OR1J2: variants seen among roughly 807,000 people sequenced by gnomAD.
The protein encoded by OR1J2 is olfactory receptor 1J2.
For synonymous variants in OR1J2, 142 were observed against 99.7 expected, an observed-to-expected ratio of 1.42 and a Z score of -2.52; for missense variants, 304 against 246.1, an observed-to-expected ratio of 1.24 and a Z score of -1.57.
At chr9:122,515,207 C>T (rs1828682740), downstream of OR1J2, among the ~76,000 whole-genome samples, 2 of 152,114 alleles carry the variant, frequency 1.3e-5, no homozygotes. Flanking sequence ...TCTCCGATGT[C>T]AGTGAGGTTT....
chr9:122,528,991 A>G, the OR1J2 span, among the ~76,000 whole-genome samples: 1 of 152,216 alleles, frequency 6.6e-6, no homozygotes, highest in Non-Finnish European at 1.5e-5. Context: ...TAGAGTCTAT[A>G]CCTGAATAAA....
Position 122,510,972 on chromosome 9 carries a change from C to T in OR1J2, c.171C>T (p.Thr57=), listed in dbSNP as rs765101019. The change falls in exon 1 of 1, where the codon ACC becomes ACT. Residue 57 remains threonine, a synonymous_variant. Coordinates refer to ENST00000335302, the MANE Select transcript of OR1J2 (RefSeq NM_054107.1). ...LLIQLDSHLH[T]PMYFFLSHLA... The stretch of plus-strand genomic sequence containing the variant: ...TCCAGCTGGACTCTCACCTTCACAC[C>T]CCCATGTACTTCTTCCTCAGCCACT... The T allele has an allele frequency of 5.6e-6, 9 of 1,612,040 alleles. No individual in the cohort carries two copies. The African/African-American group carries it at 6.7e-5, about 12-fold the overall frequency.
the OR1J2 span, chr9:122,477,419 C>T: frequency 1.2e-6 from 2 of 1,613,954 alleles, no homozygotes; most frequent in Non-Finnish European, 1.7e-6. Context: ...ATGTGGTCAG[C>T]ACAGAAGGAA....
the OR1J2 span, among the ~76,000 whole-genome samples, chr9:122,571,189 T>C: frequency 1.3e-5 from 2 of 152,134 alleles, no homozygotes; most frequent in Non-Finnish European, 1.5e-5. Flanking sequence ...AATCTTTCTG[T>C]GTGGTACAGA....
the OR1J2 span, chr9:122,554,198 A>G: frequency 2.1e-5 from 32 of 1,501,654 alleles, no homozygotes; most frequent in Non-Finnish European, 2.9e-5. Context: ...ATCTTGATCA[A>G]CCCCTCCCTG....
the OR1J2 span, among the ~76,000 whole-genome samples, chr9:122,542,469 C>G: frequency 6.6e-6 from 1 of 151,696 alleles, no homozygotes; most frequent in Non-Finnish European, 1.5e-5. Context: ...TTCCAGTTGC[C>G]CTGTATTTTC....
At chr9:122,480,279 C>T in the OR1J2 span, among the ~76,000 whole-genome samples, 1 of 151,888 alleles carries the variant, frequency 6.6e-6, no homozygotes, top group East Asian at 1.9e-4. Flanking sequence ...ATGAGATTGA[C>T]AAAAGTGCAT....
chr9:122,501,740 A>G, the OR1J2 span, among the ~76,000 whole-genome samples: 1 of 152,236 alleles, frequency 6.6e-6, no homozygotes, highest in East Asian at 1.9e-4. Context: ...AAAAATTATT[A>G]TTAAGTTACA....
chr9:122,456,946 C>T, the OR1J2 span, among the ~76,000 whole-genome samples: 2 of 152,110 alleles, frequency 1.3e-5, no homozygotes, highest in Admixed American at 6.5e-5. Context: ...GCACTACTCA[C>T]AATAGCAAAG....
the OR1J2 span, among the ~76,000 whole-genome samples, chr9:122,539,345 A>G: frequency 6.6e-6 from 1 of 151,798 alleles, no homozygotes; most frequent in South Asian, 2.1e-4. Context: ...ATTCCCACCT[A>G]TGAGTGAGAA....
the OR1J2 span, among the ~76,000 whole-genome samples, chr9:122,565,843 C>T: frequency 0.24 from 37,182 of 152,054 alleles, 4,908 homozygotes; most frequent in Middle Eastern, 0.34. Context: ...TTATTTTTTA[C>T]CTTTTTGTTA....
chr9:122,561,798 A>G, the OR1J2 span, among the ~76,000 whole-genome samples: 4 of 152,326 alleles, frequency 2.6e-5, no homozygotes, highest in African/African-American at 9.6e-5. Context: ...CCCCTGTTGC[A>G]GGGTCTCACC....
chr9:122,535,242 G>A, the OR1J2 span, among the ~76,000 whole-genome samples: 1 of 152,044 alleles, frequency 6.6e-6, no homozygotes, highest in South Asian at 2.1e-4. Context: ...GGATCGGGGT[G>A]CAGAGATAAG....
the OR1J2 span, among the ~76,000 whole-genome samples, chr9:122,484,403 G>C: frequency 6.6e-6 from 1 of 151,990 alleles, no homozygotes; most frequent in Non-Finnish European, 1.5e-5. Flanking sequence ...CTTGTGACCT[G>C]CCTGCCTCGG....
the OR1J2 span, chr9:122,519,739 T>G: frequency 6.2e-7 from 1 of 1,614,080 alleles, no homozygotes; most frequent in Non-Finnish European, 8.5e-7. Context: ...CTGGTCATTT[T>G]CACAGTGGGA....
the OR1J2 span, among the ~76,000 whole-genome samples, chr9:122,520,370 T>C: frequency 6.6e-6 from 1 of 152,240 alleles, no homozygotes; most frequent in South Asian, 2.1e-4. Flanking sequence ...TGTTTAAATA[T>C]GTTGACTAAC....
the OR1J2 span, among the ~76,000 whole-genome samples, chr9:122,570,626 T>A: frequency 2.1e-3 from 320 of 152,316 alleles, 1 homozygote; most frequent in Middle Eastern, 3.4e-3. Flanking sequence ...CAGGACAAGC[T>A]GTTCCCCAGC....
chr9:122,539,913 C>A, the OR1J2 span, among the ~76,000 whole-genome samples: 1 of 151,818 alleles, frequency 6.6e-6, no homozygotes, highest in African/African-American at 2.4e-5. Context: ...TAAATGTCTT[C>A]TTTTGAGAAG....
At chr9:122,574,286 C>T in the OR1J2 span, among the ~76,000 whole-genome samples, 4 of 152,050 alleles carry the variant, frequency 2.6e-5, no homozygotes, top group Admixed American at 6.6e-5. Context: ...ATTTATACAC[C>T]GAATTCAGGA....
Sources: gnomAD v4.1 joint callset for allele counts (sites outside exome capture counted in the v4.1 genomes callset) on GRCh38, gnomAD v4.1.1 for gene constraint, MANE v1.5 for transcripts, NCBI Gene and HGNC (gene_info 2026-07-23, HGNC 2026-07-21) for gene names.